The following PCTP variants were observed in gnomAD, a reference collection of about 807,000 sequenced individuals.
PCTP encodes the protein phosphatidylcholine transfer protein.
A neutral mutation model predicts 31.0 loss-of-function variants in PCTP; 27 were observed. That is an observed-to-expected ratio of 0.87 (90% CI 0.64 to 1.20). The LOEUF (loss-of-function observed/expected upper bound fraction) is 1.20. Among genes scored for constraint, PCTP ranks in the 50% most tolerant of loss-of-function variants. The pLI is 0.00. For synonymous variants in PCTP, 108 were observed against 101.2 expected, an observed-to-expected ratio of 1.07 and a Z score of -0.40; for missense variants, 287 against 268.2, an observed-to-expected ratio of 1.07 and a Z score of -0.49.
intron 5 of PCTP, among the ~76,000 whole-genome samples, chr17:55,834,203 T>A (rs1043187188): frequency 2.6e-5 from 4 of 152,210 alleles, no homozygotes; most frequent in Admixed American, 6.5e-5. Flanking sequence ...ATTATTTTTT[T>A]AAATTTTAAG....
At chr17:55,791,987 T>G (rs867583431) in intron 3 of PCTP, among the ~76,000 whole-genome samples, 10 of 151,484 alleles carry the variant, frequency 6.6e-5, no homozygotes, top group Non-Finnish European at 1.2e-4. Flanking sequence ...TAAAAAATGA[T>G]GAGTTCATGT....
intron 3 of PCTP, among the ~76,000 whole-genome samples, chr17:55,801,389 A>G (rs9907181): frequency 0.38 from 57,028 of 151,838 alleles, 16,579 homozygotes; most frequent in African/African-American, 0.82. Flanking sequence ...AAAACTCTCC[A>G]CTCCAAATCA....
chr17:55,767,611 C>A (rs1910744423), intron 2 of PCTP, among the ~76,000 whole-genome samples, 159 bp downstream of exon 2: 1 of 151,976 alleles, frequency 6.6e-6, no homozygotes, highest in Non-Finnish European at 1.5e-5. Flanking sequence ...ACTACAGGCG[C>A]CCGCCACCAC....
intron 3 of PCTP, among the ~76,000 whole-genome samples, chr17:55,794,690 C>A (rs551963427): frequency 6.6e-6 from 1 of 152,126 alleles, no homozygotes; most frequent in South Asian, 2.1e-4. Context: ...AATAAAGGCA[C>A]CTAAAAGCAT....
intron 2 of PCTP, 143 bp downstream of exon 2, chr17:55,767,595 G>C: frequency 2.0e-6 from 1 of 491,828 alleles, no homozygotes; most frequent in South Asian, 2.3e-5. Flanking sequence ...CTCCTGAGTA[G>C]CTGGGACTAC....
In PCTP at chr17:55,756,715, ATGTGTG is replaced by A. The variant is rs79186953; in HGVS notation, c.141+5493_141+5498del. Among the ~76,000 whole-genome samples the A allele has an allele frequency of 8.4e-3, 1,254 of 150,066 alleles. 20 individuals are homozygous for A. Among genetic ancestry groups the A allele is most frequent in the Middle Eastern group, 0.034 (10 of 292 alleles). On this transcript the variant is annotated intron_variant, in intron 1 of 5. Transcript: ENST00000268896. Reference sequence around the variant, plus strand: ...ACACGTGTGTGTGTGTGTATTATGAATGTGTGTGTGTGTGTGTGTGTGTGTGTATAT... The same window carrying A: ...ACACGTGTGTGTGTGTGTATTATGAATGTGTGTGTGTGTGTGTGTGTATAT...
chr17:55,761,542 A>T (rs1013023614), intron 1 of PCTP, among the ~76,000 whole-genome samples: 1 of 148,062 alleles, frequency 6.8e-6, no homozygotes, highest in Non-Finnish European at 1.5e-5. Flanking sequence ...ATCTGCTGGT[A>T]TTATATATAA....
chr17:55,833,280 T>C (rs1485240116), intron 5 of PCTP, among the ~76,000 whole-genome samples: 3 of 152,178 alleles, frequency 2.0e-5, no homozygotes, highest in African/African-American at 7.2e-5. Context: ...GAAGCAAAGT[T>C]CTCAGGCTTG....
intron 3 of PCTP, among the ~76,000 whole-genome samples, chr17:55,792,463 A>G (rs1445373457): frequency 1.3e-5 from 2 of 152,012 alleles, no homozygotes; most frequent in Non-Finnish European, 2.9e-5. Context: ...TAAATTCTCC[A>G]CAGAAAAATA....
chr17:55,780,578 G>T (rs1911527541), downstream of PCTP, among the ~76,000 whole-genome samples: 1 of 152,182 alleles, frequency 6.6e-6, no homozygotes, highest in African/African-American at 2.4e-5. Context: ...GGAAGAATCT[G>T]CCCCACATTC....
chr17:55,772,357 G>A (rs1415678173), intron 3 of PCTP, among the ~76,000 whole-genome samples: 1 of 152,078 alleles, frequency 6.6e-6, no homozygotes, highest in African/African-American at 2.4e-5. Flanking sequence ...GGAGTCCAAA[G>A]TGGGCAGATC....
chr17:55,827,055 T>C (rs1346491024), downstream of PCTP, among the ~76,000 whole-genome samples: 1 of 132,992 alleles, frequency 7.5e-6, no homozygotes, highest in Non-Finnish European at 1.6e-5. Context: ...AAAAAAAAAA[T>C]GGCCAGAATT....
At chr17:55,783,408 G>C (rs908804465) in intron 2 of PCTP, among the ~76,000 whole-genome samples, 1 of 152,204 alleles carries the variant, frequency 6.6e-6, no homozygotes, top group African/African-American at 2.4e-5. Flanking sequence ...CAGATATGGG[G>C]AGGGGACTGT....
chr17:55,851,508 T>A, the PCTP span, among the ~76,000 whole-genome samples: 14 of 152,192 alleles, frequency 9.2e-5, no homozygotes, highest in Non-Finnish European at 1.8e-4. Context: ...TCAGCTTTCT[T>A]TTCTTTTCGT....
At chr17:55,794,161 T>C (rs1427592572) in intron 3 of PCTP, among the ~76,000 whole-genome samples, 1 of 152,114 alleles carries the variant, frequency 6.6e-6, no homozygotes, top group Non-Finnish European at 1.5e-5. Context: ...TACAGCCATA[T>C]TTAATGTAAG....
At chr17:55,801,717 G>C (rs1912391007) in intron 3 of PCTP, among the ~76,000 whole-genome samples, 1 of 152,202 alleles carries the variant, frequency 6.6e-6, no homozygotes, top group African/African-American at 2.4e-5. Context: ...CTAAAGCAGT[G>C]TTTAAAGGGA....
intron 1 of PCTP, 109 bp downstream of exon 1, chr17:55,751,353 C>G (rs899351333): frequency 7.9e-6 from 12 of 1,525,820 alleles, no homozygotes; most frequent in Non-Finnish European, 1.1e-5. Flanking sequence ...CGCGTCTTCT[C>G]CGGCTCAGGA....
At position 55,773,847 on chromosome 17, in the gene PCTP, T is replaced by C; in HGVS notation, c.463T>C (p.Tyr155His). ...ERSGVIRVKQ[Y>H]KQSLAIESDG... is the part of the protein sequence containing the mutation. Reference sequence around the variant, plus strand: ...GTCTGGGGTGATCCGGGTGAAGCAATACAAGCAGAGCCTGGCGATCGAGAG... The same window carrying C: ...GTCTGGGGTGATCCGGGTGAAGCAACACAAGCAGAGCCTGGCGATCGAGAG... The change falls in exon 4 of 6, where the codon TAC becomes CAC. Residue 155 changes from tyrosine (Y) to histidine (H), a missense_variant. Coordinates refer to ENST00000268896, the MANE Select transcript of PCTP (RefSeq NM_021213.4). The C allele has an allele frequency of 6.2e-7, 1 of 1,612,728 alleles. No individual in the cohort carries two copies. The highest frequency in any genetic ancestry group is 1.3e-5 in the African/African-American group (1 of 74,856).
At chr17:55,780,486 A>G (rs149098888), downstream of PCTP, among the ~76,000 whole-genome samples, 190 of 152,246 alleles carry the variant, frequency 1.2e-3, no homozygotes, top group Non-Finnish European at 2.4e-3. Context: ...CTTCCATCCG[A>G]TGGTGGTTGC....
Sources: gnomAD v4.1 joint callset for allele counts (sites outside exome capture counted in the v4.1 genomes callset) on GRCh38, gnomAD v4.1.1 for gene constraint, MANE v1.5 for transcripts, NCBI Gene and HGNC (gene_info 2026-07-23, HGNC 2026-07-21) for gene names.